The following EEF1AKMT2 variants were observed in gnomAD, a reference collection of about 807,000 sequenced individuals.
EEF1AKMT2 encodes the protein EEF1A lysine methyltransferase 2.
In EEF1AKMT2, 32 loss-of-function variants were observed where a neutral mutation model predicts 35.8. That is an observed-to-expected ratio of 0.89 (90% CI 0.67 to 1.20). The LOEUF (loss-of-function observed/expected upper bound fraction) is 1.20. Among genes scored for constraint, EEF1AKMT2 ranks in the 50% most tolerant of loss-of-function variants. The pLI is 0.00. For synonymous variants in EEF1AKMT2, 121 were observed against 133.7 expected (o/e 0.91, Z 0.65); for missense variants, 330 against 347.5 (o/e 0.95, Z 0.40).
chr10:124,791,847 C>G lies in EEF1AKMT2; in HGVS notation c.-14G>C. On this transcript the variant is annotated 5_prime_UTR_variant, in exon 1 of 7. Transcript: ENST00000368836. ...GCCCGAGCTCATTTCGCTCCACGTC[C>G]TGGACGGCCGTTGGGGCCGCCATAG... 6.4e-7 allele frequency: 1 copy of G among 1,557,400 alleles called. No homozygotes were observed. Among genetic ancestry groups the G allele is most frequent in the Non-Finnish European group, 8.6e-7 (1 of 1,157,920 alleles).
chr10:124,757,179 C>T (rs1950293584), downstream of EEF1AKMT2, among the ~76,000 whole-genome samples: 1 of 151,716 alleles, frequency 6.6e-6, no homozygotes, highest in African/African-American at 2.4e-5. Context: ...CACACACACA[C>T]ACACACACAC....
chr10:124,789,088 T>C lies in EEF1AKMT2; in HGVS notation c.246A>G (p.Ser82=). ...MQKHKIPLDA[S]VLDIGTGNGV... is the part of the protein sequence containing the mutation. ...CATTTCCAGTTCCAATATCAAGCAC[T>C]GAAGCATCCAGTGGAATCTTGTGTT... is the stretch of plus-strand genomic sequence containing the variant. The change falls in exon 3 of 7, where the codon TCA becomes TCG. Residue 82 remains serine (S), a synonymous_variant. Coordinates refer to ENST00000368836, the MANE Select transcript of EEF1AKMT2 (RefSeq NM_212554.4). 6.2e-7 allele frequency: 1 copy of C among 1,613,846 alleles called. No individual in the cohort carries two copies. Among genetic ancestry groups the C allele is most frequent in the East Asian group, 2.2e-5 (1 of 44,830 alleles).
At chr10:124,770,150 A>G (rs907136777) in intron 4 of EEF1AKMT2, among the ~76,000 whole-genome samples, 3 of 151,590 alleles carry the variant, frequency 2.0e-5, no homozygotes, top group Admixed American at 2.0e-4. Context: ...CGGGCGTGGT[A>G]GCTCACACCT....
chr10:124,789,100 T>C lies in EEF1AKMT2; in HGVS notation c.234A>G (p.Pro78=), dbSNP rs1423484186. The C allele has an allele frequency of 3.1e-6, 5 of 1,613,770 alleles. No homozygotes were observed. The highest frequency in any genetic ancestry group is 1.1e-5 in the South Asian group (1 of 91,062). The change falls in exon 3 of 7, where the codon CCA becomes CCG. Residue 78 remains proline (P), a synonymous_variant. Transcript: ENST00000368836. Reference sequence around the variant, plus strand: ...CAATATCAAGCACTGAAGCATCCAGTGGAATCTTGTGTTTCTGCATCCACC... The same window carrying C: ...CAATATCAAGCACTGAAGCATCCAGCGGAATCTTGTGTTTCTGCATCCACC... ...LIRWMQKHKI[P]LDASVLDIGT... is the part of the protein sequence containing the mutation.
chr10:124,757,167 CA>C (rs1380810086), downstream of EEF1AKMT2, among the ~76,000 whole-genome samples: 2 of 8,010 alleles, frequency 2.5e-4, no homozygotes, highest in South Asian at 2.5e-3. Flanking sequence ...CACTCCCTCC[CA>C]CACACACACA....
chr10:124,765,774 A>T (rs1950373788), intron 4 of EEF1AKMT2, 166 bp from the exon 5 acceptor site: 1 of 570,358 alleles, frequency 1.8e-6, no homozygotes, highest in Non-Finnish European at 3.1e-6. Context: ...TATGAGCTTC[A>T]GTCCAAGATC....
chr10:124,778,596 T>A (rs980293873), intron 3 of EEF1AKMT2, among the ~76,000 whole-genome samples: 2 of 151,880 alleles, frequency 1.3e-5, no homozygotes, highest in Non-Finnish European at 2.9e-5. Flanking sequence ...TGGTGGCACA[T>A]GCCTGTAATC....
chr10:124,791,829 C>G lies in EEF1AKMT2; in HGVS notation c.5G>C (p.Ser2Thr). ...GCCACCGCCGCCGTCAGCGCCCGAGCTCATTTCGCTCCACGTCCTGGACGG... is the reference window on the plus strand; with the variant it reads ...GCCACCGCCGCCGTCAGCGCCCGAGGTCATTTCGCTCCACGTCCTGGACGG... M[S>T]SGADGGGGAA... Residue 2 changes from serine to threonine, a missense_variant, in exon 1 of 7, where the codon AGC becomes ACC. Coordinates refer to ENST00000368836, the MANE Select transcript of EEF1AKMT2 (RefSeq NM_212554.4). The G allele has an allele frequency of 1.9e-6, 3 of 1,575,726 alleles. No individual in the cohort carries two copies. Among genetic ancestry groups the G allele is most frequent in the Non-Finnish European group, 2.6e-6 (3 of 1,167,126 alleles).
rs1341285937 is a variant in EEF1AKMT2, at chr10:124,760,252, CATTATT to C, written c.*245_*250del. 9.0e-6 allele frequency: 4 copies of C among 445,684 alleles called. No individual in the cohort carries two copies. Among genetic ancestry groups the C allele is most frequent in the African/African-American group, 3.9e-5 (2 of 50,772 alleles). The allele number at this position is 445,684 out of a possible 1,614,324, so 27.6% of individuals were successfully genotyped here. On this transcript the variant is annotated 3_prime_UTR_variant, in exon 7 of 7. Coordinates refer to ENST00000368836, the MANE Select transcript of EEF1AKMT2 (RefSeq NM_212554.4). ...TCTAAAACCCAACCACTTAGATGCTCATTATTATTATTTTCTTTCACCAATCCAGTA... is the reference window on the plus strand; with the variant it reads ...TCTAAAACCCAACCACTTAGATGCTCATTATTTTCTTTCACCAATCCAGTA...
At chr10:124,763,019 TTG>T (rs897386082) in intron 5 of EEF1AKMT2, among the ~76,000 whole-genome samples, 1 of 152,220 alleles carries the variant, frequency 6.6e-6, no homozygotes, top group African/African-American at 2.4e-5. Context: ...GGTAAACAAA[TTG>T]TCTTAATTAT....
At chr10:124,778,159 T>A (rs1426235830) in intron 3 of EEF1AKMT2, among the ~76,000 whole-genome samples, 1 of 151,590 alleles carries the variant, frequency 6.6e-6, no homozygotes, top group Non-Finnish European at 1.5e-5. Context: ...GAGGTTATAG[T>A]GTGTATGTAT....
Position 124,762,283 on chromosome 10 carries a change from G to C in EEF1AKMT2, c.875+17C>G. ...ATTTTGCTTTTAAAAAATAAATAAA[G>C]CTGGAAGGTCACTTACTAAAATGCC... On this transcript the variant is annotated intron_variant, in intron 6 of 6. Transcript: ENST00000368836. 4 of 1,062,208 alleles carry C rather than the reference G, an allele frequency of 3.8e-6. No individual in the cohort carries two copies. Among genetic ancestry groups the C allele is most frequent in the Non-Finnish European group, 4.7e-6 (4 of 858,540 alleles). The allele number at this position is 1,062,208 out of a possible 1,614,324, so 65.8% of individuals were successfully genotyped here. A position where few individuals can be genotyped will look rare whatever the true frequency, so the allele number is the denominator to read the frequency against.
Position 124,789,159 on chromosome 10 carries a change from T to G in EEF1AKMT2, c.177-2A>C. The stretch of plus-strand genomic sequence containing the variant: ...CGATTCATACTCTCTTCTCCAAACC[T>G]GTTAGAGAGAATCAGTCAAATAACT... On this transcript the variant is annotated splice_acceptor_variant, in intron 2 of 6. Transcript: ENST00000368836. LOFTEE classifies it high-confidence loss of function. The G allele has an allele frequency of 1.3e-6, 2 of 1,595,034 alleles. No individual in the cohort carries two copies. The highest frequency in any genetic ancestry group is 1.7e-6 in the Non-Finnish European group (2 of 1,164,342).
At chr10:124,779,747 CA>C (rs34475748) in intron 3 of EEF1AKMT2, among the ~76,000 whole-genome samples, 1,740 of 28,046 alleles carry the variant, frequency 0.062, 15 homozygotes, top group South Asian at 0.15. Flanking sequence ...GACTCCATCT[CA>C]AAAAAAAAAA....
chr10:124,774,633 A>T lies in EEF1AKMT2; in HGVS notation c.399+42T>A, dbSNP rs200801248. 1.1e-3 allele frequency: 1,112 copies of T among 1,032,068 alleles called. 5 individuals are homozygous for T. Among genetic ancestry groups the T allele is most frequent in the Non-Finnish European group, 7.7e-4 (594 of 775,428 alleles). 63.9% of individuals were successfully genotyped at this position (1,032,068 alleles called of 1,614,324 possible). Reference sequence around the variant, plus strand: ...CAATTAATATGCTCTAGAAACATTTAACCTCTATTGTAAATATTATAGTAA... The same window carrying T: ...CAATTAATATGCTCTAGAAACATTTTACCTCTATTGTAAATATTATAGTAA... On this transcript the variant is annotated intron_variant, in intron 4 of 6. Coordinates refer to ENST00000368836, the MANE Select transcript of EEF1AKMT2 (RefSeq NM_212554.4).
chr10:124,771,369 G>A (rs1231183269), intron 4 of EEF1AKMT2, among the ~76,000 whole-genome samples: 2 of 151,594 alleles, frequency 1.3e-5, no homozygotes, highest in Non-Finnish European at 2.9e-5. Context: ...AAGATGCTAG[G>A]ATTACAGGCG....
rs1037655488 is a variant in EEF1AKMT2 at position 124,791,653 on chromosome 10, C to A, written c.110+71G>T. On this transcript the variant is annotated intron_variant, in intron 1 of 6. Coordinates refer to ENST00000368836, the MANE Select transcript of EEF1AKMT2 (RefSeq NM_212554.4). ...CTGTCCCTGAGCCCCGGGTCTCCACCCCGCCGTCCCCTTCTCGGGGCCCAG... is the reference window on the plus strand; with the variant it reads ...CTGTCCCTGAGCCCCGGGTCTCCACACCGCCGTCCCCTTCTCGGGGCCCAG... 8 of 1,534,766 alleles carry A rather than the reference C, an allele frequency of 5.2e-6. No individual in the cohort carries two copies. In the African/African-American group the frequency reaches 9.6e-5, roughly 18 times the overall value.
rs772243523 is a variant in EEF1AKMT2 at position 124,765,563 on chromosome 10, T to G, written c.445A>C (p.Ile149Leu). ...NLSTQLSGFH[I>L]CIDKGTFDAI... is the part of the protein sequence containing the mutation. Reference sequence around the variant, plus strand: ...TCAAAAGTCCCTTTGTCAATACAAATATGAAATCCAGACAGCTGTGTGGAG... The same window carrying G: ...TCAAAAGTCCCTTTGTCAATACAAAGATGAAATCCAGACAGCTGTGTGGAG... Residue 149 changes from isoleucine (I) to leucine (L), a missense_variant, in exon 5 of 7, where the codon ATT becomes CTT. Physicochemically the swap from Ile to Leu is conservative, Grantham distance 5 (BLOSUM62 2). Transcript: ENST00000368836. 6.2e-7 allele frequency: 1 copy of G among 1,613,926 alleles called. No homozygotes were observed. Among genetic ancestry groups the G allele is most frequent in the Non-Finnish European group, 8.5e-7 (1 of 1,179,908 alleles).
intron 4 of EEF1AKMT2, among the ~76,000 whole-genome samples, chr10:124,767,498 C>T (rs377449448): frequency 7.8e-6 from 1 of 128,480 alleles, no homozygotes; most frequent in Non-Finnish European, 1.6e-5. Flanking sequence ...GGCGACAGGG[C>T]GAGACACTGC....
Sources: gnomAD v4.1 joint callset for allele counts (sites outside exome capture counted in the v4.1 genomes callset) on GRCh38, gnomAD v4.1.1 for gene constraint, MANE v1.5 for transcripts, NCBI Gene and HGNC (gene_info 2026-07-23, HGNC 2026-07-21) for gene names.